Variants in AGBL4 observed in about 807,000 individuals in gnomAD.
The protein encoded by AGBL4 is AGBL carboxypeptidase 4, also known as cytosolic carboxypeptidase 6.
In AGBL4, 58 loss-of-function variants were observed where a neutral mutation model predicts 66.4. That is an observed-to-expected ratio of 0.87 (90% CI 0.71 to 1.09). AGBL4 has a LOEUF of 1.09. Ranked by LOEUF, AGBL4 falls within the 50% of genes least tolerant of loss-of-function variation. The pLI is 0.00. For missense variants in AGBL4, 579 were observed against 631.0 expected (o/e 0.92, Z 0.88); for synonymous variants, 234 against 222.9 (o/e 1.05, Z -0.44).
intron 9 of AGBL4, among the ~76,000 whole-genome samples, chr1:48,605,388 C>T (rs1645139575): frequency 1.3e-5 from 2 of 152,290 alleles, no homozygotes; most frequent in African/African-American, 4.8e-5. Context: ...CTGTGTGATG[C>T]TCCTCTGTGC....
At chr1:49,103,903 T>C (rs1212495135) in intron 4 of AGBL4, among the ~76,000 whole-genome samples, 1 of 152,198 alleles carries the variant, frequency 6.6e-6, no homozygotes, top group Non-Finnish European at 1.5e-5. Context: ...TGAAACAAAA[T>C]TGTGTCGACT....
At chr1:48,697,837 G>T (rs1178495418) in intron 6 of AGBL4, among the ~76,000 whole-genome samples, 1 of 152,190 alleles carries the variant, frequency 6.6e-6, no homozygotes, top group Non-Finnish European at 1.5e-5. Context: ...TGACACCTGG[G>T]TTGATGCAAG....
Position 49,700,166 on chromosome 1 carries a change from T to C in AGBL4, c.158-2729A>G, listed in dbSNP as rs1571354978. Among the ~76,000 whole-genome samples the C allele has an allele frequency of 2.6e-5, 4 of 151,664 alleles. 1 individual carries two copies. The highest frequency in any genetic ancestry group is 9.6e-5 in the African/African-American group (4 of 41,500). ...AAAAGTTTTAACAGAAAAGCACTAT[T>C]AATAAGAAAGCAAATGTAACTATAC... is the stretch of plus-strand genomic sequence containing the variant. On this transcript the variant is annotated intron_variant, in intron 2 of 13. Transcript: ENST00000371839.
intron 4 of AGBL4, among the ~76,000 whole-genome samples, chr1:49,212,858 T>C (rs1052144360): frequency 1.3e-5 from 2 of 152,182 alleles, no homozygotes; most frequent in Admixed American, 1.3e-4. Flanking sequence ...AGGTTAATTG[T>C]AAGGTTAGCA....
chr1:49,577,693 G>A (rs13373988), intron 3 of AGBL4, among the ~76,000 whole-genome samples: 10,551 of 152,218 alleles, frequency 0.069, 1,166 homozygotes, highest in African/African-American at 0.23. Context: ...TCACTTTACC[G>A]CTAAAGAAGA....
intron 7 of AGBL4, among the ~76,000 whole-genome samples, chr1:48,662,826 A>C (rs1646129306): frequency 6.6e-6 from 1 of 152,170 alleles, no homozygotes. Context: ...GTTGTAAACC[A>C]CTGGAGGCAA....
intron 2 of AGBL4, among the ~76,000 whole-genome samples, chr1:49,704,260 T>G (rs1353355764): frequency 6.6e-6 from 1 of 151,990 alleles, no homozygotes; most frequent in Non-Finnish European, 1.5e-5. Flanking sequence ...TCAAGACAGT[T>G]TGGTATTTCA....
chr1:49,206,869 AGGAGAGGAG>A (rs1648179680), intron 4 of AGBL4, among the ~76,000 whole-genome samples: 1 of 14,182 alleles, frequency 7.1e-5, no homozygotes, highest in Non-Finnish European at 3.0e-4. Flanking sequence ...TGGAGAGGAG[AGGAGAGGAG>A]AGGAGAGGAG....
chr1:49,575,195 C>G (rs934175076), intron 3 of AGBL4, among the ~76,000 whole-genome samples: 1 of 152,068 alleles, frequency 6.6e-6, no homozygotes, highest in Non-Finnish European at 1.5e-5. Flanking sequence ...CTAGGGGACC[C>G]AAAACATCAT....
At chr1:48,636,411 C>T (rs977792295) in intron 8 of AGBL4, among the ~76,000 whole-genome samples, 1 of 152,176 alleles carries the variant, frequency 6.6e-6, no homozygotes, top group Non-Finnish European at 1.5e-5. Flanking sequence ...TTATGCCATA[C>T]AAGCCCTGTA....
intron 11 of AGBL4, among the ~76,000 whole-genome samples, chr1:48,557,499 G>T (rs1410323201): frequency 6.6e-6 from 1 of 152,158 alleles, no homozygotes; most frequent in Non-Finnish European, 1.5e-5. Flanking sequence ...CTGGAAAAGT[G>T]ATGTGATGAA....
chr1:49,713,772 T>C (rs1374412557), intron 2 of AGBL4, among the ~76,000 whole-genome samples: 2 of 151,990 alleles, frequency 1.3e-5, no homozygotes, highest in Non-Finnish European at 2.9e-5. Flanking sequence ...GGAGGAACAA[T>C]GTAAAATTTC....
intron 3 of AGBL4, among the ~76,000 whole-genome samples, chr1:49,635,243 T>C (rs1280902018): frequency 6.6e-6 from 1 of 152,172 alleles, no homozygotes; most frequent in Non-Finnish European, 1.5e-5. Context: ...CAAAAGTTAA[T>C]TCCAGATAGA....
intron 3 of AGBL4, among the ~76,000 whole-genome samples, chr1:49,338,771 G>T (rs767725356): frequency 3.9e-5 from 6 of 152,178 alleles, no homozygotes; most frequent in Non-Finnish European, 7.3e-5. Flanking sequence ...GTGTTCAGGA[G>T]GGAGTGCTTG....
downstream of AGBL4, among the ~76,000 whole-genome samples, chr1:48,531,288 G>A (rs1643905232): frequency 1.3e-5 from 2 of 152,010 alleles, no homozygotes; most frequent in African/African-American, 4.8e-5. Flanking sequence ...TCATATCACT[G>A]TGTCTAGCAT....
chr1:49,954,195 C>G (rs1656399029), intron 1 of AGBL4, among the ~76,000 whole-genome samples: 1 of 151,858 alleles, frequency 6.6e-6, no homozygotes, highest in Admixed American at 6.6e-5. Flanking sequence ...GTGCCCAGCT[C>G]TAGTTTTATT....
chr1:50,013,224 T>TC (rs1161687626), intron 1 of AGBL4, among the ~76,000 whole-genome samples: 1 of 152,180 alleles, frequency 6.6e-6, no homozygotes, highest in Non-Finnish European at 1.5e-5. Context: ...TAGTCCTCTG[T>TC]CTTAGGGCTT....
chr1:49,524,840 G>A (rs536802469), intron 3 of AGBL4, among the ~76,000 whole-genome samples: 9 of 151,888 alleles, frequency 5.9e-5, no homozygotes, highest in South Asian at 4.2e-4. Flanking sequence ...CTACTAATGC[G>A]TGAACCCCTT....
chr1:49,685,447 C>T (rs935977507), intron 3 of AGBL4, among the ~76,000 whole-genome samples: 1 of 152,156 alleles, frequency 6.6e-6, no homozygotes, highest in Non-Finnish European at 1.5e-5. Flanking sequence ...CAAATGGTAG[C>T]TCTGTTTCAA....
Sources: allele counts gnomAD v4.1 joint callset (sites outside exome capture counted in the v4.1 genomes callset), GRCh38; gene constraint gnomAD v4.1.1; transcripts MANE v1.5; gene names NCBI Gene and HGNC (gene_info 2026-07-23, HGNC 2026-07-21).